NEBL: variants seen among roughly 807,000 people sequenced by gnomAD.
NEBL encodes LIM and SH3 protein 2.
In NEBL, 122 loss-of-function variants were observed where a neutral mutation model predicts 140.2. The ratio of observed to expected loss-of-function variants is 0.87; its 90% CI spans 0.75 to 1.01. NEBL has a LOEUF of 1.01. Among genes scored for constraint, NEBL ranks in the 50% least tolerant of loss-of-function variants. NEBL has a pLI of 0.00. For missense variants in NEBL, 1,365 were observed against 1,231.3 expected, an observed-to-expected ratio of 1.11 and a Z score of -1.62; for synonymous variants, 436 against 398.9, an observed-to-expected ratio of 1.09 and a Z score of -1.11.
chr10:20,903,361 A>G (rs1847955695), intron 4 of NEBL, among the ~76,000 whole-genome samples: 1 of 152,200 alleles, frequency 6.6e-6, no homozygotes, highest in African/African-American at 2.4e-5. Flanking sequence ...AAAGTCAAAA[A>G]ACAATAGATA....
intron 3 of NEBL, among the ~76,000 whole-genome samples, chr10:21,018,349 A>T (rs1463030048): frequency 2.0e-5 from 3 of 152,116 alleles, no homozygotes; most frequent in Non-Finnish European, 2.9e-5. Context: ...GATGAACCCT[A>T]ACTTGACGAG....
chr10:21,046,780 T>A (rs1454023708), intron 2 of NEBL, among the ~76,000 whole-genome samples: 1 of 152,130 alleles, frequency 6.6e-6, no homozygotes, highest in Non-Finnish European at 1.5e-5. Context: ...TTTTTTATAT[T>A]GTTAGTAGAG....
intron 2 of NEBL, among the ~76,000 whole-genome samples, chr10:21,071,629 C>T (rs528569290): frequency 5.3e-5 from 8 of 152,224 alleles, no homozygotes; most frequent in African/African-American, 1.7e-4. Flanking sequence ...TAAATGTTCT[C>T]CAGGTGATTC....
chr10:21,261,583 G>A lies in NEBL; in HGVS notation n.183-9755C>T, dbSNP rs1471783297. On this transcript the variant is annotated intron_variant and non_coding_transcript_variant, in intron 1 of 8. Coordinates refer to the NEBL transcript ENST00000675702. The stretch of plus-strand genomic sequence containing the variant: ...GATTGCTTAGGCCCGGGAGGCTGAG[G>A]CTGCAGTGAGCCATGACCACACCAT... Among the ~76,000 whole-genome samples, 4 of 151,754 alleles carry A rather than the reference G, an allele frequency of 2.6e-5. No homozygotes were observed. The East Asian group carries it at 7.7e-4, about 29-fold the overall frequency.
rs553172396 is a variant in NEBL, at chr10:20,816,997, A to G, written c.2148+603T>C. ...AGGGAAAATGTTTGTTTGTAGGGCCAGGATGCCAGAAGCTACGACTGTGGG... is the reference window on the plus strand; with the variant it reads ...AGGGAAAATGTTTGTTTGTAGGGCCGGGATGCCAGAAGCTACGACTGTGGG... On this transcript the variant is annotated intron_variant, in intron 21 of 27. Coordinates refer to ENST00000377122, the MANE Select transcript of NEBL (RefSeq NM_006393.3). Among the ~76,000 whole-genome samples, 185 of 152,208 alleles carry G rather than the reference A, an allele frequency of 1.2e-3. 2 individuals are homozygous for G. Among genetic ancestry groups the G allele is most frequent in the Middle Eastern group, 3.2e-3 (1 of 316 alleles).
intron 4 of NEBL, among the ~76,000 whole-genome samples, chr10:20,939,102 T>C (rs1017516197): frequency 4.6e-5 from 7 of 151,602 alleles, no homozygotes; most frequent in Non-Finnish European, 1.0e-4. Context: ...ACAAAGATAC[T>C]CCCCAAGAAG....
chr10:21,164,125 C>A (rs1376265581), intron 2 of NEBL, among the ~76,000 whole-genome samples: 2 of 152,182 alleles, frequency 1.3e-5, no homozygotes, highest in African/African-American at 4.8e-5. Context: ...CAATAATAAT[C>A]ATTTTACTTA....
chr10:20,783,378 C>G lies in NEBL; in HGVS notation c.*2369G>C, dbSNP rs981132754. On this transcript the variant is annotated 3_prime_UTR_variant, in exon 28 of 28. Coordinates refer to ENST00000377122, the MANE Select transcript of NEBL (RefSeq NM_006393.3). ...AACTACCCTTTAGTTAAATTCTGAT[C>G]AGATCTTAATTCCTAAAGGCTTGAA... The G allele has an allele frequency of 1.3e-5, 2 of 152,104 alleles. No individual in the cohort carries two copies. The highest frequency in any genetic ancestry group is 2.9e-5 in the Non-Finnish European group (2 of 68,024). 9.4% of individuals were successfully genotyped at this position (152,104 alleles called of 1,614,324 possible).
intron 9 of NEBL, among the ~76,000 whole-genome samples, chr10:20,854,416 C>A (rs1021535724): frequency 1.3e-5 from 2 of 152,146 alleles, no homozygotes; most frequent in Non-Finnish European, 2.9e-5. Context: ...TCTAGTGGGA[C>A]AAAGCAATAG....
chr10:21,199,322 T>C (rs934469826), intron 3 of NEBL, among the ~76,000 whole-genome samples: 1 of 152,118 alleles, frequency 6.6e-6, no homozygotes, highest in African/African-American at 2.4e-5. Context: ...AGTGAGCCAC[T>C]GCATCCCAAT....
At chr10:21,084,134 AT>A (rs1406326197) in intron 2 of NEBL, among the ~76,000 whole-genome samples, 2 of 152,218 alleles carry the variant, frequency 1.3e-5, no homozygotes, top group African/African-American at 4.8e-5. Context: ...GTGGTCCCAG[AT>A]TGGGTATTAA....
chr10:20,896,776 A>G (rs1353314706), intron 2 of NEBL, among the ~76,000 whole-genome samples, 182 bp downstream of exon 2: 1 of 152,108 alleles, frequency 6.6e-6, no homozygotes. Context: ...TCTAGCAGAA[A>G]TTCTCTGTAT....
chr10:21,194,192 G>A (rs955111489), intron 3 of NEBL, among the ~76,000 whole-genome samples: 3 of 151,820 alleles, frequency 2.0e-5, no homozygotes, highest in African/African-American at 4.8e-5. Flanking sequence ...GGCTGGTCTC[G>A]AACTTCTGGC....
intron 3 of NEBL, among the ~76,000 whole-genome samples, chr10:20,988,335 C>T (rs1490259002): frequency 1.3e-5 from 2 of 152,194 alleles, no homozygotes; most frequent in African/African-American, 2.4e-5. Context: ...CCTCAACATT[C>T]CATATCTGTG....
chr10:21,101,860 C>T (rs1394697219), intron 2 of NEBL, among the ~76,000 whole-genome samples: 1 of 152,188 alleles, frequency 6.6e-6, no homozygotes, highest in East Asian at 1.9e-4. Flanking sequence ...AAGTGAAGCA[C>T]TTCTCATCTA....
chr10:21,177,453 C>T (rs927282596), upstream of NEBL, among the ~76,000 whole-genome samples: 1 of 152,084 alleles, frequency 6.6e-6, no homozygotes, highest in Non-Finnish European at 1.5e-5. Context: ...GATGAGACTT[C>T]AAGAGAAATG....
At chr10:20,792,123 G>C (rs996394460) in intron 26 of NEBL, among the ~76,000 whole-genome samples, 1 of 106,762 alleles carries the variant, frequency 9.4e-6, no homozygotes, top group Non-Finnish European at 2.1e-5. Context: ...ATTCCAAATA[G>C]AAAAAAAAAA....
chr10:21,087,117 G>C (rs983954741), intron 2 of NEBL, among the ~76,000 whole-genome samples: 3 of 152,104 alleles, frequency 2.0e-5, no homozygotes, highest in Non-Finnish European at 1.5e-5. Context: ...ATATGACACA[G>C]TGTCACATTT....
chr10:20,923,536 G>A (rs972348215), intron 4 of NEBL, among the ~76,000 whole-genome samples: 6 of 151,098 alleles, frequency 4.0e-5, no homozygotes, highest in South Asian at 2.1e-4. Flanking sequence ...AAAATTAGCC[G>A]GGCATAGTGG....
Sources: gnomAD v4.1 joint callset for allele counts (sites outside exome capture counted in the v4.1 genomes callset) on GRCh38, gnomAD v4.1.1 for gene constraint, MANE v1.5 for transcripts, NCBI Gene and HGNC (gene_info 2026-07-23, HGNC 2026-07-21) for gene names.